WDFY4: variants seen among roughly 807,000 people sequenced by gnomAD.
WDFY4 encodes WDFY family member 4.
Under a neutral mutation model 351.9 loss-of-function variants are expected in WDFY4, and 169 were observed. The ratio of observed to expected loss-of-function variants is 0.48; its 90% CI spans 0.42 to 0.55. The LOEUF is 0.55. Ranked by LOEUF, WDFY4 falls within the 20% of genes least tolerant of loss-of-function variation. The pLI is 0.00. For missense variants in WDFY4, 3,803 were observed against 3,935.6 expected, an observed-to-expected ratio of 0.97 and a Z score of 0.90; for synonymous variants, 1,622 against 1,574.6, an observed-to-expected ratio of 1.03 and a Z score of -0.71.
intron 1 of WDFY4, among the ~76,000 whole-genome samples, chr10:48,690,758 G>C (rs530282036): frequency 2.6e-5 from 4 of 152,314 alleles, no homozygotes; most frequent in Non-Finnish European, 1.5e-5. Context: ...TGGTCATCCA[G>C]TCGTCTCTCC....
chr10:48,900,372 C>A, intron 46 of WDFY4, 66 bp downstream of exon 46: 1 of 1,416,980 alleles, frequency 7.1e-7, no homozygotes, highest in Non-Finnish European at 9.7e-7. Flanking sequence ...GGGCAGAGAA[C>A]ACTCAGCTCT....
intron 2 of WDFY4, among the ~76,000 whole-genome samples, chr10:48,715,055 G>T (rs551014585): frequency 1.3e-5 from 2 of 152,252 alleles, no homozygotes; most frequent in African/African-American, 4.8e-5. Flanking sequence ...CTGCCATGTT[G>T]TAAGGAAGCC....
At chr10:48,735,826 G>C in intron 10 of WDFY4, 54 bp from the exon 11 acceptor site, 1 of 1,443,070 alleles carries the variant, frequency 6.9e-7, no homozygotes, top group Non-Finnish European at 9.4e-7. Flanking sequence ...GATTGAAACT[G>C]AAGTGGCAAG....
chr10:48,893,761 T>C (rs2133378943), intron 44 of WDFY4, among the ~76,000 whole-genome samples: 1 of 152,326 alleles, frequency 6.6e-6, no homozygotes, highest in Non-Finnish European at 1.5e-5. Flanking sequence ...TATCCTGAAA[T>C]CCACTTCTAC....
chr10:48,901,970 A>G (rs7068839), intron 47 of WDFY4, 107 bp downstream of exon 47: 19 of 986,818 alleles, frequency 1.9e-5, no homozygotes, highest in Middle Eastern at 5.7e-4. Flanking sequence ...CATGCCCAAC[A>G]GTTTCCCTCA....
chr10:48,765,011 G>A (rs2065623430), intron 13 of WDFY4, among the ~76,000 whole-genome samples: 1 of 152,236 alleles, frequency 6.6e-6, no homozygotes, highest in Non-Finnish European at 1.5e-5. Context: ...CTCAGACACA[G>A]AAAGAAGCAT....
chr10:48,790,585 G>C (rs1258195634), intron 22 of WDFY4, 142 bp from the exon 23 acceptor site: 1 of 895,362 alleles, frequency 1.1e-6, no homozygotes, highest in Non-Finnish European at 1.7e-6. Context: ...CTTCCCCCCA[G>C]CCTGTCCCAG....
At chr10:48,870,961 G>C (rs537574820) in intron 40 of WDFY4, among the ~76,000 whole-genome samples, 2 of 151,300 alleles carry the variant, frequency 1.3e-5, no homozygotes, top group East Asian at 3.9e-4. Flanking sequence ...TTTGATGGAG[G>C]CTCGCTCCTT....
chr10:48,704,967 A>C (rs2889688), intron 1 of WDFY4, among the ~76,000 whole-genome samples: 3 of 152,150 alleles, frequency 2.0e-5, no homozygotes, highest in Admixed American at 6.5e-5. Context: ...CTGGTGAGAG[A>C]ACCTGTTGTC....
At chr10:48,934,246 G>A (rs770886953) in intron 47 of WDFY4, among the ~76,000 whole-genome samples, 6 of 152,150 alleles carry the variant, frequency 3.9e-5, no homozygotes, top group Admixed American at 2.0e-4. Flanking sequence ...TTATGTGCCC[G>A]ACCCTTTGCA....
intron 21 of WDFY4, 80 bp from the exon 22 acceptor site, chr10:48,789,794 G>A: frequency 7.3e-7 from 1 of 1,362,136 alleles, no homozygotes; most frequent in Non-Finnish European, 1.0e-6. Flanking sequence ...GCCCCAGAGG[G>A]CCTGCCCTCC....
intron 24 of WDFY4, among the ~76,000 whole-genome samples, chr10:48,798,225 A>T (rs1188701696): frequency 6.6e-6 from 1 of 152,308 alleles, no homozygotes; most frequent in East Asian, 1.9e-4. Flanking sequence ...CTAACTTCTA[A>T]CTTAAGATCA....
At chr10:48,815,870 A>G (rs561280333) in intron 31 of WDFY4, among the ~76,000 whole-genome samples, 6 of 152,228 alleles carry the variant, frequency 3.9e-5, no homozygotes, top group African/African-American at 1.4e-4. Context: ...CATCCTATAA[A>G]TGATATTAGT....
At chr10:48,793,085 G>A (rs1347258075) in intron 23 of WDFY4, among the ~76,000 whole-genome samples, 1 of 152,236 alleles carries the variant, frequency 6.6e-6, no homozygotes, top group Non-Finnish European at 1.5e-5. Flanking sequence ...GTAGAGACAA[G>A]GAGTGGCCCA....
intron 55 of WDFY4, chr10:48,967,789 T>C (rs1842151672): frequency 6.6e-6 from 1 of 152,286 alleles, no homozygotes; most frequent in Non-Finnish European, 1.5e-5. Context: ...CCCACTACAC[T>C]GAACAACATG....
At chr10:48,723,352 T>C in intron 4 of WDFY4, 81 bp from the exon 5 acceptor site, 1 of 1,490,736 alleles carries the variant, frequency 6.7e-7, no homozygotes, top group South Asian at 1.3e-5. Context: ...CTGAAATGGC[T>C]GCAGGGGCCT....
At chr10:48,920,341 G>A (rs2663047) in intron 47 of WDFY4, among the ~76,000 whole-genome samples, 30,021 of 148,242 alleles carry the variant, frequency 0.2, 3,407 homozygotes, top group Non-Finnish European at 0.26. Context: ...ACAGGAAGGG[G>A]AGCATCACAC....
At chr10:48,920,528 G>GA (rs893227165) in intron 47 of WDFY4, among the ~76,000 whole-genome samples, 25 of 150,006 alleles carry the variant, frequency 1.7e-4, no homozygotes, top group Admixed American at 2.0e-4. Flanking sequence ...TAAAACAATT[G>GA]AAAAAAAAGA....
chr10:48,950,077 T>C (rs1392723665), intron 51 of WDFY4, among the ~76,000 whole-genome samples: 1 of 152,166 alleles, frequency 6.6e-6, no homozygotes, highest in East Asian at 1.9e-4. Flanking sequence ...TTAACCATTT[T>C]TAAGGGCACA....
Sources: gnomAD v4.1 joint callset for allele counts (sites outside exome capture counted in the v4.1 genomes callset) on GRCh38, gnomAD v4.1.1 for gene constraint, MANE v1.5 for transcripts, NCBI Gene and HGNC (gene_info 2026-07-23, HGNC 2026-07-21) for gene names.